The following TUBGCP4 variants were observed in gnomAD, a reference collection of about 807,000 sequenced individuals.
TUBGCP4 encodes gamma-tubulin complex component 4.
TUBGCP4 carries 54 observed loss-of-function variants against 91.6 expected under a neutral mutation model. That is an observed-to-expected ratio of 0.59 (90% CI 0.47 to 0.74). The LOEUF is 0.74. Ranked by LOEUF, TUBGCP4 falls within the 30% of genes least tolerant of loss-of-function variation. TUBGCP4 has a pLI of 0.00. For missense variants in TUBGCP4, 593 were observed against 800.9 expected (o/e 0.74, Z 3.13); for synonymous variants, 297 against 302.8 (o/e 0.98, Z 0.20).
At chr15:43,399,323 G>A (rs1404958753) in intron 13 of TUBGCP4, 4 of 270,616 alleles carry the variant, frequency 1.5e-5, no homozygotes, top group Admixed American at 4.6e-5. Flanking sequence ...ACTTTCTTTC[G>A]GCTCTCAGCG....
At position 43,389,951 on chromosome 15, in the gene TUBGCP4, A is replaced by G. The variant is rs575678579; in HGVS notation, c.1014+3621A>G. 5.8e-4 allele frequency among the ~76,000 whole-genome samples: 88 copies of G among 152,058 alleles called. 1 individual carries two copies. The highest frequency in any genetic ancestry group is 2.0e-3 in the African/African-American group (85 of 41,522). ...AGTAAATCACCCCTTTATAAGAGTG[A>G]TTTATTCCCTCTCAGAAGAACAGCA... On this transcript the variant is annotated intron_variant, in intron 9 of 17. Coordinates refer to ENST00000564079, the MANE Select transcript of TUBGCP4 (RefSeq NM_014444.5).
Position 43,406,618 on chromosome 15 carries a change from C to T in TUBGCP4, c.*1404C>T, listed in dbSNP as rs2044898161. ...CTTTACAGAAAAAAACCTTGTTGACCCCTGCTTTAGAGAATGAGAAGCCAT... is the reference window on the plus strand; with the variant it reads ...CTTTACAGAAAAAAACCTTGTTGACTCCTGCTTTAGAGAATGAGAAGCCAT... On this transcript the variant is annotated 3_prime_UTR_variant, in exon 18 of 18. Transcript: ENST00000564079. 4 of 455,790 alleles carry T rather than the reference C, an allele frequency of 8.8e-6. No homozygotes were observed. In the Admixed American group the frequency reaches 9.4e-5, roughly 11 times the overall value. The allele number at this position is 455,790 out of a possible 1,614,324, so 28.2% of individuals were successfully genotyped here.
rs751441349 is a variant in TUBGCP4, at chr15:43,383,366, C to G, written c.585C>G (p.Leu195=). The change falls in exon 7 of 18, where the codon CTC becomes CTG. Residue 195 remains leucine (L), a synonymous_variant. Coordinates refer to ENST00000564079, the MANE Select transcript of TUBGCP4 (RefSeq NM_014444.5). ...KQLSAWMLHG[L]LLDQHEEFFI... ...TCTCAGCCTGGATGCTCCATGGACT[C>G]CTCTTGGACCAGCATGAAGAATTCT... is the stretch of plus-strand genomic sequence containing the variant. 6.2e-7 allele frequency: 1 copy of G among 1,614,174 alleles called. No individual in the cohort carries two copies. The highest frequency in any genetic ancestry group is 1.1e-5 in the South Asian group (1 of 91,078).
chr15:43,401,018 G>T (rs1037086654), intron 14 of TUBGCP4, among the ~76,000 whole-genome samples: 1 of 152,022 alleles, frequency 6.6e-6, no homozygotes, highest in Non-Finnish European at 1.5e-5. Context: ...CCTCTTAAAG[G>T]CATTTTAAAG....
At chr15:43,376,367 A>G (rs1283349310) in intron 2 of TUBGCP4, 136 bp from the exon 3 acceptor site, 1 of 1,600,318 alleles carries the variant, frequency 6.2e-7, no homozygotes, top group Non-Finnish European at 8.5e-7. Flanking sequence ...ATTTCTCATC[A>G]CTAGAAATAT....
intron 9 of TUBGCP4, among the ~76,000 whole-genome samples, chr15:43,387,595 G>A (rs535910707): frequency 3.9e-5 from 6 of 152,174 alleles, no homozygotes; most frequent in Non-Finnish European, 8.8e-5. Flanking sequence ...CCAAGTAGCT[G>A]GGATTACAGG....
At chr15:43,384,385 C>A (rs2044326576) in intron 7 of TUBGCP4, among the ~76,000 whole-genome samples, 1 of 152,114 alleles carries the variant, frequency 6.6e-6, no homozygotes, top group Non-Finnish European at 1.5e-5. Context: ...GGAACATGGT[C>A]ATGGGATAGG....
intron 9 of TUBGCP4, among the ~76,000 whole-genome samples, chr15:43,390,112 G>A (rs1016023881): frequency 2.2e-4 from 33 of 152,152 alleles, no homozygotes; most frequent in African/African-American, 8.0e-4. Context: ...AAATAAGACT[G>A]TACCCTTCTT....
In TUBGCP4 at chr15:43,371,379, C is replaced by CT. The variant is rs769236005; in HGVS notation, c.26dup (p.Ser10GlufsTer29). The CT allele has an allele frequency of 6.2e-7, 1 of 1,614,098 alleles. No homozygotes were observed. The highest frequency in any genetic ancestry group is 1.1e-5 in the South Asian group (1 of 91,060). ...AATGATCCACGAACTGCTCTTGGCT[C>CT]TGAGCGGGTACCCTGGGTCCATTTT... On this transcript the variant is annotated frameshift_variant, in exon 1 of 18. Transcript: ENST00000564079. LOFTEE classifies it high-confidence loss of function.
chr15:43,385,862 A>G lies in TUBGCP4; in HGVS notation c.795A>G (p.Pro265=). The change falls in exon 8 of 18, where the codon CCA becomes CCG. Residue 265 remains proline, a synonymous_variant. Transcript: ENST00000564079. ...KQFSLRVEIL[P]SYIPVRVAEK... ...TTTCCCTACGAGTGGAGATTTTGCCATCCTACATTCCAGTGAGGGTTGCTG... is the reference window on the plus strand; with the variant it reads ...TTTCCCTACGAGTGGAGATTTTGCCGTCCTACATTCCAGTGAGGGTTGCTG... The G allele has an allele frequency of 3.7e-6, 6 of 1,614,176 alleles. No individual in the cohort carries two copies. Among genetic ancestry groups the G allele is most frequent in the Non-Finnish European group, 5.1e-6 (6 of 1,180,028 alleles).
intron 9 of TUBGCP4, among the ~76,000 whole-genome samples, chr15:43,391,041 T>A (rs989601316): frequency 1.3e-5 from 2 of 151,644 alleles, no homozygotes; most frequent in African/African-American, 2.4e-5. Context: ...ACAGTCTTAT[T>A]CTTCTTACTC....
In TUBGCP4 at chr15:43,377,876, TGTA is replaced by T. The variant is rs1457857776; in HGVS notation, c.419_421del (p.Val140del). 6.2e-7 allele frequency: 1 copy of T among 1,608,428 alleles called. No individual in the cohort carries two copies. The highest frequency in any genetic ancestry group is 8.5e-7 in the Non-Finnish European group (1 of 1,178,686). On this transcript the variant is annotated inframe_deletion, in exon 5 of 18. Transcript: ENST00000564079. The stretch of plus-strand genomic sequence containing the variant: ...AGCTTCTTTTTCCCTCTGTGATGGT[TGTA>T]GTAGAACAAATTAAAAGTCAAAAGG...
chr15:43,387,284 ACCG>A (rs1214263698), intron 9 of TUBGCP4, among the ~76,000 whole-genome samples: 1 of 88,748 alleles, frequency 1.1e-5, no homozygotes, highest in East Asian at 6.6e-4. Context: ...TGCTGGTGCC[ACCG>A]ACTTAAATTG....
chr15:43,383,232 C>A (rs1460185226), intron 6 of TUBGCP4, 71 bp from the exon 7 acceptor site: 2 of 1,332,428 alleles, frequency 1.5e-6, no homozygotes, highest in Non-Finnish European at 2.1e-6. Flanking sequence ...TCATCAAATT[C>A]TCAGGCCTCT....
Position 43,409,145 on chromosome 15 carries a change from G to C in TUBGCP4, c.*3931G>C, listed in dbSNP as rs1346530008. On this transcript the variant is annotated 3_prime_UTR_variant, in exon 18 of 18. Transcript: ENST00000564079. ...ATGGGTTTGGTGACTTCTGTGGAAA[G>C]CTCCTAAGCAGCAGCCATAATGAGC... 1 of 1,565,128 alleles carries C rather than the reference G, an allele frequency of 6.4e-7. No homozygotes were observed. The highest frequency in any genetic ancestry group is 2.2e-5 in the East Asian group (1 of 44,566).
At chr15:43,390,206 A>G (rs185482771) in intron 9 of TUBGCP4, among the ~76,000 whole-genome samples, 2,267 of 152,146 alleles carry the variant, frequency 0.015, 26 homozygotes, top group Middle Eastern at 0.065. Context: ...TTCTTTTTCT[A>G]TTTTTTAGAA....
intron 15 of TUBGCP4, 38 bp downstream of exon 15, chr15:43,401,888 C>A (rs767203797): frequency 1.2e-6 from 2 of 1,610,180 alleles, no homozygotes; most frequent in South Asian, 2.2e-5. Context: ...ACTGCTTCTA[C>A]CACTGACCAT....
At chr15:43,380,549 C>A (rs2044271462) in intron 6 of TUBGCP4, among the ~76,000 whole-genome samples, 1 of 152,128 alleles carries the variant, frequency 6.6e-6, no homozygotes, top group South Asian at 2.1e-4. Context: ...GCTTTATAAT[C>A]CCATAATGCC....
chr15:43,397,457 T>C (rs2044601212), intron 12 of TUBGCP4, 136 bp downstream of exon 12: 1 of 683,314 alleles, frequency 1.5e-6, no homozygotes, highest in Non-Finnish European at 2.6e-6. Context: ...TATAATTCTA[T>C]AGAGAAGAAA....
Sources: gnomAD v4.1 joint callset for allele counts (sites outside exome capture counted in the v4.1 genomes callset) on GRCh38, gnomAD v4.1.1 for gene constraint, MANE v1.5 for transcripts, NCBI Gene and HGNC (gene_info 2026-07-23, HGNC 2026-07-21) for gene names.